Variants in MARCHF8 observed in about 807,000 individuals in gnomAD.
MARCHF8 encodes the protein E3 ubiquitin-protein ligase MARCHF8.
In MARCHF8, 40 loss-of-function variants were observed where a neutral mutation model predicts 51.6. The ratio of observed to expected loss-of-function variants is 0.77; its 90% CI spans 0.60 to 1.01. MARCHF8 has a LOEUF of 1.01. Among genes scored for constraint, MARCHF8 ranks in the 50% least tolerant of loss-of-function variants. The pLI, the probability that MARCHF8 is intolerant of heterozygous loss-of-function variation, is 0.00. For missense variants in MARCHF8, 685 were observed against 708.6 expected, an observed-to-expected ratio of 0.97 and a Z score of 0.38; for synonymous variants, 263 against 280.3, an observed-to-expected ratio of 0.94 and a Z score of 0.62.
chr10:45,557,937 CA>C (rs903428488), intron 1 of MARCHF8, among the ~76,000 whole-genome samples: 1 of 150,900 alleles, frequency 6.6e-6, no homozygotes, highest in Non-Finnish European at 1.5e-5. Context: ...TGCAGGCCTG[CA>C]AAAAAAATGA....
chr10:45,549,702 C>T (rs1468937195), intron 1 of MARCHF8, among the ~76,000 whole-genome samples: 1 of 152,192 alleles, frequency 6.6e-6, no homozygotes, highest in Non-Finnish European at 1.5e-5. Flanking sequence ...AGGGCTCTGC[C>T]CTCACTAATG....
chr10:45,591,654 C>T (rs1275532780), intron 1 of MARCHF8, among the ~76,000 whole-genome samples: 2 of 152,162 alleles, frequency 1.3e-5, no homozygotes, highest in Non-Finnish European at 2.9e-5. Flanking sequence ...CAAAGAGCTT[C>T]ACTGACAACT....
At chr10:45,538,481 G>A (rs1459264165), upstream of MARCHF8, among the ~76,000 whole-genome samples, 3 of 152,240 alleles carry the variant, frequency 2.0e-5, no homozygotes, top group Admixed American at 1.3e-4. Context: ...AACCTTAAAA[G>A]TAAATGGACT....
chr10:45,514,417 G>A (rs954696063), intron 2 of MARCHF8, among the ~76,000 whole-genome samples: 10 of 152,226 alleles, frequency 6.6e-5, no homozygotes, highest in Admixed American at 2.0e-4. Flanking sequence ...GCTTGATGCC[G>A]GGGAACAGGC....
At chr10:45,502,294 A>G (rs1294851497) in intron 2 of MARCHF8, among the ~76,000 whole-genome samples, 1 of 152,210 alleles carries the variant, frequency 6.6e-6, no homozygotes, top group Non-Finnish European at 1.5e-5. Context: ...TGATAAACAC[A>G]AACCTGGAAG....
chr10:45,466,451 G>T (rs1038684410), intron 3 of MARCHF8, among the ~76,000 whole-genome samples: 1 of 152,150 alleles, frequency 6.6e-6, no homozygotes, highest in African/African-American at 2.4e-5. Flanking sequence ...CTTTGAGGAA[G>T]AAATACCCAG....
chr10:45,473,551 C>T (rs1473379988), intron 3 of MARCHF8, among the ~76,000 whole-genome samples: 1 of 152,188 alleles, frequency 6.6e-6, no homozygotes, highest in Non-Finnish European at 1.5e-5. Context: ...GATAAAATAA[C>T]ATTGTGTCTA....
chr10:45,518,291 A>G (rs946875871), intron 2 of MARCHF8, among the ~76,000 whole-genome samples: 6 of 152,234 alleles, frequency 3.9e-5, no homozygotes, highest in African/African-American at 1.2e-4. Context: ...CTGTGATTCT[A>G]CCATCACAGT....
At chr10:45,475,511 G>T (rs2042771854) in intron 3 of MARCHF8, among the ~76,000 whole-genome samples, 2 of 152,254 alleles carry the variant, frequency 1.3e-5, no homozygotes, top group African/African-American at 4.8e-5. Context: ...ATACTGCCTG[G>T]GCATCTGAGG....
chr10:45,525,541 G>A (rs1200445582), intron 2 of MARCHF8, among the ~76,000 whole-genome samples: 5 of 152,192 alleles, frequency 3.3e-5, no homozygotes, highest in African/African-American at 1.2e-4. Flanking sequence ...CCACCTTCAA[G>A]GAGGGGGAGC....
intron 1 of MARCHF8, among the ~76,000 whole-genome samples, chr10:45,571,360 A>G (rs2044426878): frequency 6.6e-6 from 1 of 152,110 alleles, no homozygotes; most frequent in Non-Finnish European, 1.5e-5. Context: ...TCCCCCACTG[A>G]GCACCTTGTG....
At chr10:45,583,459 CTAAA>C (rs544293616) in intron 1 of MARCHF8, among the ~76,000 whole-genome samples, 304 of 152,272 alleles carry the variant, frequency 2.0e-3, no homozygotes, top group African/African-American at 7.0e-3. Context: ...TCAGAGCACA[CTAAA>C]TATCAACTAA....
At chr10:45,540,883 C>A (rs2044042701) in intron 1 of MARCHF8, among the ~76,000 whole-genome samples, 1 of 152,184 alleles carries the variant, frequency 6.6e-6, no homozygotes, top group African/African-American at 2.4e-5. Context: ...CATCTCACAC[C>A]AGTTACAATG....
chr10:45,564,152 T>C (rs1276834060), intron 1 of MARCHF8, among the ~76,000 whole-genome samples: 2 of 152,178 alleles, frequency 1.3e-5, no homozygotes, highest in African/African-American at 4.8e-5. Context: ...GGCAGGCACC[T>C]GTAATCCCAA....
chr10:45,460,015 T>C (rs1842736010), intron 6 of MARCHF8: 1 of 398,660 alleles, frequency 2.5e-6, no homozygotes, highest in South Asian at 1.0e-4. Context: ...AAATAGAGCC[T>C]CAAGGACTTC....
chr10:45,536,837 A>G (rs2043977245), upstream of MARCHF8, among the ~76,000 whole-genome samples: 1 of 103,152 alleles, frequency 9.7e-6, no homozygotes, highest in Non-Finnish European at 1.8e-5. Flanking sequence ...CTCTACCAAA[A>G]TAATAATAAT....
At chr10:45,516,534 T>A (rs1325655324) in intron 2 of MARCHF8, among the ~76,000 whole-genome samples, 1 of 152,042 alleles carries the variant, frequency 6.6e-6, no homozygotes, top group Non-Finnish European at 1.5e-5. Flanking sequence ...GAGGCCAAGG[T>A]GGGTGGATCA....
chr10:45,541,212 C>T (rs1564509946), intron 1 of MARCHF8, among the ~76,000 whole-genome samples: 1 of 152,146 alleles, frequency 6.6e-6, no homozygotes, highest in Non-Finnish European at 1.5e-5. Context: ...AAATGTGGCA[C>T]ATATACACCA....
intron 1 of MARCHF8, among the ~76,000 whole-genome samples, chr10:45,568,492 G>A (rs560863567): frequency 1.1e-4 from 16 of 152,132 alleles, no homozygotes; most frequent in East Asian, 3.9e-4. Flanking sequence ...AGGCCGAGAC[G>A]GGCAGATCAC....
Sources: allele counts gnomAD v4.1 joint callset (sites outside exome capture counted in the v4.1 genomes callset), GRCh38; gene constraint gnomAD v4.1.1; transcripts MANE v1.5; gene names NCBI Gene and HGNC (gene_info 2026-07-23, HGNC 2026-07-21).